The following AKAP6 variants were observed in gnomAD, a reference collection of about 807,000 sequenced individuals.
AKAP6 encodes A-kinase anchor protein 6.
Under a neutral mutation model 188.5 loss-of-function variants are expected in AKAP6, and 58 were observed. The observed-to-expected ratio is 0.31, with a 90% CI of 0.25 to 0.38. The LOEUF (loss-of-function observed/expected upper bound fraction) is 0.38. AKAP6 is among the 10% of genes least tolerant of loss of function. The pLI is 1.00. For missense variants in AKAP6, 2,710 were observed against 2,740.0 expected (o/e 0.99, Z 0.24); for synonymous variants, 989 against 998.6 (o/e 0.99, Z 0.18).
At position 32,830,019 on chromosome 14, in the gene AKAP6, T is replaced by C; in HGVS notation, c.*214T>C. 2.9e-6 allele frequency: 2 copies of C among 699,738 alleles called. No individual in the cohort carries two copies. The highest frequency in any genetic ancestry group is 2.6e-6 in the Non-Finnish European group (1 of 383,164). 43.3% of individuals were successfully genotyped at this position (699,738 alleles called of 1,614,324 possible). On this transcript the variant is annotated 3_prime_UTR_variant, in exon 14 of 14. Coordinates refer to ENST00000280979, the MANE Select transcript of AKAP6 (RefSeq NM_004274.5). The stretch of plus-strand genomic sequence containing the variant: ...GTGATCTGAATGTGTGCGCTGGTTC[T>C]CTTTAGGTGATCGTCTTTGAAGTTC...
In AKAP6 at chr14:32,735,737, G is replaced by T; in HGVS notation, c.3227G>T (p.Ser1076Ile). The T allele has an allele frequency of 6.2e-7, 1 of 1,613,570 alleles. No individual in the cohort carries two copies. The highest frequency in any genetic ancestry group is 1.1e-5 in the South Asian group (1 of 91,076). ...SSPRDLLSPE[S>I]GSLVRQLEVR... is the part of the protein sequence containing the mutation. ...CCACGTGACCTGCTCTCTCCTGAAA[G>T]TGGAAGCCTGGTAAGGCAGCTGGAG... The change falls in exon 11 of 14, where the codon AGT becomes ATT. Residue 1076 changes from serine to isoleucine, a missense_variant. By Grantham distance (142) the Ser-to-Ile change is moderately radical. Transcript: ENST00000280979.
intron 1 of AKAP6, among the ~76,000 whole-genome samples, chr14:32,416,090 T>C (rs986180346): frequency 3.3e-5 from 5 of 152,190 alleles, no homozygotes; most frequent in Admixed American, 2.6e-4. Context: ...CATATGGTAA[T>C]TGTATTTTTA....
chr14:32,513,619 G>A (rs1277543450), intron 2 of AKAP6, among the ~76,000 whole-genome samples: 1 of 152,056 alleles, frequency 6.6e-6, no homozygotes, highest in Non-Finnish European at 1.5e-5. Context: ...TTCCCTGACT[G>A]TTGTTTTGCC....
intron 2 of AKAP6, among the ~76,000 whole-genome samples, chr14:32,438,347 C>T (rs548688353): frequency 2.6e-4 from 40 of 152,230 alleles, no homozygotes; most frequent in Middle Eastern, 3.4e-3. Context: ...GTAATGATTT[C>T]GGTTAATAAG....
At chr14:32,795,169 G>A (rs1320712762) in intron 12 of AKAP6, among the ~76,000 whole-genome samples, 1 of 152,102 alleles carries the variant, frequency 6.6e-6, no homozygotes, top group Admixed American at 6.6e-5. Context: ...AAAAGCCCAG[G>A]ACCATTTGGA....
chr14:32,712,182 G>T (rs1470638150), intron 9 of AKAP6, among the ~76,000 whole-genome samples: 1 of 152,112 alleles, frequency 6.6e-6, no homozygotes, highest in East Asian at 1.9e-4. Flanking sequence ...GCATATAAAA[G>T]TTGCGTTTAC....
At chr14:32,508,292 G>A (rs1164878254) in intron 2 of AKAP6, among the ~76,000 whole-genome samples, 1 of 152,188 alleles carries the variant, frequency 6.6e-6, no homozygotes. Context: ...TTGGGAAAAG[G>A]GATTAGACAT....
chr14:32,792,137 G>GT (rs1430180284), intron 12 of AKAP6, among the ~76,000 whole-genome samples: 15 of 152,120 alleles, frequency 9.9e-5, no homozygotes, highest in African/African-American at 3.4e-4. Flanking sequence ...ATTTAAAGTA[G>GT]TTTTTTCTAG....
intron 2 of AKAP6, among the ~76,000 whole-genome samples, chr14:32,437,337 A>G (rs536494520): frequency 6.6e-6 from 1 of 152,250 alleles, no homozygotes; most frequent in South Asian, 2.1e-4. Flanking sequence ...GAAGCTACTC[A>G]TTACCTAACT....
chr14:32,353,510 G>T (rs61981849), intron 1 of AKAP6, among the ~76,000 whole-genome samples: 8,591 of 152,186 alleles, frequency 0.056, 310 homozygotes, highest in South Asian at 0.12. Context: ...GCAGTGAGCC[G>T]AGATCGTGCC....
intron 11 of AKAP6, among the ~76,000 whole-genome samples, chr14:32,747,405 A>G (rs1162109342): frequency 6.6e-6 from 1 of 152,218 alleles, no homozygotes; most frequent in East Asian, 1.9e-4. Flanking sequence ...AACCATAACA[A>G]AAGCATACAA....
intron 6 of AKAP6, among the ~76,000 whole-genome samples, chr14:32,600,034 A>G (rs1034575289): frequency 1.3e-5 from 2 of 152,340 alleles, no homozygotes; most frequent in Admixed American, 1.3e-4. Context: ...TATAAGGAAC[A>G]GATTATAAAT....
intron 12 of AKAP6, among the ~76,000 whole-genome samples, chr14:32,797,993 G>C (rs570205544): frequency 2.0e-4 from 29 of 147,034 alleles, no homozygotes; most frequent in Non-Finnish European, 3.6e-4. Context: ...TGCAAACTAT[G>C]CATGTGACAA....
chr14:32,827,913 T>TTTACTTTTCCTTTTGGTCTGCTC (rs1408366885), intron 13 of AKAP6, among the ~76,000 whole-genome samples: 1 of 152,186 alleles, frequency 6.6e-6, no homozygotes, highest in Admixed American at 6.5e-5. Context: ...AGTGTGTGCT[T>TTTACTTTTCCTTTTGGTCTGCTC]TTTCTTTTCC....
Position 32,824,393 on chromosome 14 carries a change from T to C in AKAP6, c.6580T>C (p.Cys2194Arg). The C allele has an allele frequency of 1.2e-6, 2 of 1,613,980 alleles. No individual in the cohort carries two copies. Among genetic ancestry groups the C allele is most frequent in the Non-Finnish European group, 1.7e-6 (2 of 1,179,956 alleles). Residue 2194 changes from cysteine to arginine, a missense_variant, in exon 13 of 14, where the codon TGT becomes CGT. Around this residue, in one of 2 missense-constraint regions of AKAP6, gnomAD observed 2,473 missense variants for 2,426.1 expected, o/e 1.02. Transcript: ENST00000280979. ...TGCAATGCCACTACAAGCAACAGCA[T>C]GTTCTTCTGAGTTCAGTGATAGTTC... is the stretch of plus-strand genomic sequence containing the variant. ...EAAMPLQATA[C>R]SSEFSDSSLS...
At chr14:32,598,467 A>C (rs1477312431) in intron 5 of AKAP6, among the ~76,000 whole-genome samples, 1 of 152,200 alleles carries the variant, frequency 6.6e-6, no homozygotes, top group African/African-American at 2.4e-5. Flanking sequence ...TTCTTGAAAT[A>C]TTTAAATGGA....
intron 1 of AKAP6, among the ~76,000 whole-genome samples, chr14:32,392,021 TA>T (rs904474656): frequency 5.9e-5 from 9 of 151,452 alleles, no homozygotes; most frequent in East Asian, 5.8e-4. Flanking sequence ...TTCACTTACT[TA>T]AAAAAAAATC....
At chr14:32,618,230 G>A (rs796512961) in intron 7 of AKAP6, among the ~76,000 whole-genome samples, 13 of 152,134 alleles carry the variant, frequency 8.5e-5, no homozygotes, top group African/African-American at 2.9e-4. Context: ...GGATACCAGC[G>A]GTTTTTGTTT....
intron 7 of AKAP6, among the ~76,000 whole-genome samples, chr14:32,641,195 AT>A (rs889819999): frequency 6.6e-6 from 1 of 152,160 alleles, no homozygotes; most frequent in African/African-American, 2.4e-5. Context: ...TCAGGTGTGC[AT>A]TTGATTAAAT....
Sources: gnomAD v4.1 joint callset for allele counts (sites outside exome capture counted in the v4.1 genomes callset) on GRCh38, gnomAD v4.1.1 for gene constraint, gnomAD v4.1.1 regional missense constraint, MANE v1.5 for transcripts, NCBI Gene and HGNC (gene_info 2026-07-23, HGNC 2026-07-21) for gene names.